Variants in RBFOX3 observed in about 807,000 individuals in gnomAD.
The protein encoded by RBFOX3 is RNA binding protein fox-1 homolog 3.
In RBFOX3, 17 loss-of-function variants were observed where a neutral mutation model predicts 48.7. The observed-to-expected ratio is 0.35, with a 90% CI of 0.24 to 0.52. The LOEUF is 0.52. Ranked by LOEUF, RBFOX3 falls within the 20% of genes least tolerant of loss-of-function variation. The probability of loss-of-function intolerance (pLI) is 0.94; values close to 1 mark genes in which losing one functional copy is unlikely to be tolerated. For synonymous variants in RBFOX3, 212 were observed against 209.5 expected (o/e 1.01, Z -0.10); for missense variants, 382 against 497.5 (o/e 0.77, Z 2.21).
At chr17:79,143,891 T>G (rs1432325153) in intron 4 of RBFOX3, among the ~76,000 whole-genome samples, 2 of 152,054 alleles carry the variant, frequency 1.3e-5, no homozygotes, top group Admixed American at 6.6e-5. Context: ...CAGTGGAGGG[T>G]GCTCTTCACG....
At chr17:79,410,828 G>A (rs2064210481) in intron 2 of RBFOX3, among the ~76,000 whole-genome samples, 1 of 152,036 alleles carries the variant, frequency 6.6e-6, no homozygotes, top group African/African-American at 2.4e-5. Context: ...AGGCTGCTCC[G>A]CTTGACTGCC....
the RBFOX3 span, among the ~76,000 whole-genome samples, chr17:79,622,907 G>A: frequency 2.0e-5 from 3 of 151,982 alleles, no homozygotes; most frequent in African/African-American, 7.3e-5. Flanking sequence ...CAGAGCCTCC[G>A]CTCCTCCCCT....
At chr17:79,439,329 G>A (rs969399751) in intron 2 of RBFOX3, among the ~76,000 whole-genome samples, 1 of 152,218 alleles carries the variant, frequency 6.6e-6, no homozygotes, top group Admixed American at 6.5e-5. Flanking sequence ...AAGATAGAGC[G>A]AAATCGCTCT....
At position 79,237,201 on chromosome 17, in the gene RBFOX3, A is replaced by G. The variant is rs56731259; in HGVS notation, c.-73-1396T>C. Among the ~76,000 whole-genome samples, 1,179 of 152,312 alleles carry G rather than the reference A, an allele frequency of 7.7e-3. 10 individuals carry two copies. The highest frequency in any genetic ancestry group is 0.027 in the African/African-American group (1,111 of 41,556). On this transcript the variant is annotated intron_variant, in intron 3 of 14. Coordinates refer to ENST00000693108, the MANE Select transcript of RBFOX3 (RefSeq NM_001350451.2). ...GTGCAAAAAATAAAAGCAAGTGAAA[A>G]GCTTCTGGAATTGAAAGACGGTCAG...
At chr17:79,458,110 T>C (rs2074826694) in intron 2 of RBFOX3, among the ~76,000 whole-genome samples, 1 of 152,134 alleles carries the variant, frequency 6.6e-6, no homozygotes, top group Admixed American at 6.5e-5. Context: ...GAGCAGGCAG[T>C]TGGGCAGGGA....
chr17:79,411,544 G>T (rs1598577271), intron 2 of RBFOX3, among the ~76,000 whole-genome samples: 1 of 152,074 alleles, frequency 6.6e-6, no homozygotes, highest in Non-Finnish European at 1.5e-5. Context: ...GGCTGCCCTG[G>T]CCCCAGGCTT....
At chr17:79,569,327 T>C (rs1194439315) in intron 1 of RBFOX3, among the ~76,000 whole-genome samples, 1 of 152,192 alleles carries the variant, frequency 6.6e-6, no homozygotes, top group Non-Finnish European at 1.5e-5. Context: ...AGTGGAATCA[T>C]GCAACGTGTG....
intron 2 of RBFOX3, among the ~76,000 whole-genome samples, chr17:79,352,345 G>T (rs1489347474): frequency 1.3e-5 from 2 of 152,190 alleles, no homozygotes; most frequent in Admixed American, 1.3e-4. Context: ...ACCATGTGAA[G>T]ATGTGCCTGC....
chr17:79,320,707 C>A (rs1342799724), intron 2 of RBFOX3, among the ~76,000 whole-genome samples: 2 of 151,998 alleles, frequency 1.3e-5, no homozygotes, highest in Non-Finnish European at 2.9e-5. Flanking sequence ...GAGCCCTCAA[C>A]TAAAACCAGG....
At position 79,142,305 on chromosome 17, in the gene RBFOX3, G is replaced by C. The variant is rs545858378; in HGVS notation, c.-33-26557C>G. 1.9e-4 allele frequency among the ~76,000 whole-genome samples: 29 copies of C among 152,340 alleles called. No homozygotes were observed. In the South Asian group the frequency reaches 6.0e-3, roughly 32 times the overall value. ...GGGGAGGTGGCTGCGGAGCCTCCAG[G>C]GGTGGGAGCAGCCCCGTTGGAGAGG... On this transcript the variant is annotated intron_variant, in intron 4 of 14. Coordinates refer to ENST00000693108, the MANE Select transcript of RBFOX3 (RefSeq NM_001350451.2).
the RBFOX3 span, among the ~76,000 whole-genome samples, chr17:79,628,119 C>T: frequency 5.9e-5 from 9 of 152,104 alleles, no homozygotes; most frequent in African/African-American, 2.2e-4. Context: ...TCAACTCCCC[C>T]TCCTCTGTTC....
chr17:79,112,920 T>TGGGG (rs1568152586), intron 5 of RBFOX3, among the ~76,000 whole-genome samples: 21 of 29,522 alleles, frequency 7.1e-4, no homozygotes, highest in South Asian at 1.3e-3. Context: ...GGGGGTGGGC[T>TGGGG]GGGTAGGACT....
chr17:79,138,690 G>GCA (rs878955971), intron 4 of RBFOX3, among the ~76,000 whole-genome samples: 9 of 27,056 alleles, frequency 3.3e-4, no homozygotes, highest in African/African-American at 4.4e-4. Flanking sequence ...CCATACACAT[G>GCA]GACACAGCAC....
chr17:79,133,444 G>C (rs1280913647), intron 4 of RBFOX3, among the ~76,000 whole-genome samples: 1 of 152,178 alleles, frequency 6.6e-6, no homozygotes, highest in Admixed American at 6.5e-5. Flanking sequence ...GGGACACCAT[G>C]GTGAAAAACA....
At chr17:79,306,920 C>T (rs897594) in intron 3 of RBFOX3, among the ~76,000 whole-genome samples, 49,106 of 152,170 alleles carry the variant, frequency 0.32, 8,018 homozygotes, top group East Asian at 0.38. Context: ...GGTCTGGGGC[C>T]CGACATCCAC....
chr17:79,553,039 A>G (rs1356669735), intron 1 of RBFOX3, among the ~76,000 whole-genome samples: 1 of 152,210 alleles, frequency 6.6e-6, no homozygotes, highest in East Asian at 1.9e-4. Flanking sequence ...TTCTGCTACA[A>G]TATGAAATAG....
chr17:79,254,136 C>T lies in RBFOX3; in HGVS notation c.-73-18331G>A, dbSNP rs1327729423. Among the ~76,000 whole-genome samples, 3 of 152,216 alleles carry T rather than the reference C, an allele frequency of 2.0e-5. No individual in the cohort carries two copies. Among genetic ancestry groups the T allele is most frequent in the Non-Finnish European group, 2.9e-5 (2 of 68,038 alleles). ...CAGGGAGGCAAGTTCACCACTGCAT[C>T]GCTAGCACCCAGGACACAGGAGCCT... On this transcript the variant is annotated intron_variant, in intron 3 of 14. Coordinates refer to ENST00000693108, the MANE Select transcript of RBFOX3 (RefSeq NM_001350451.2). The surrounding 1 kb of genome is among the most constrained non-coding windows in gnomAD (Gnocchi z 4.8).
intron 2 of RBFOX3, among the ~76,000 whole-genome samples, chr17:79,422,699 C>CTCTT (rs113903125): frequency 0.8 from 116,467 of 145,186 alleles, 45,158 homozygotes; most frequent in Non-Finnish European, 0.85. Context: ...TGCACCCTGG[C>CTCTT]TCTTCTCCAT....
chr17:79,336,731 G>C (rs1053517818), intron 2 of RBFOX3, among the ~76,000 whole-genome samples: 1 of 152,226 alleles, frequency 6.6e-6, no homozygotes, highest in Non-Finnish European at 1.5e-5. Context: ...GAACCAGGAG[G>C]TGCACATAGT....
Sources: allele counts gnomAD v4.1 joint callset (sites outside exome capture counted in the v4.1 genomes callset), GRCh38; gene constraint gnomAD v4.1.1; non-coding constraint Gnocchi (gnomAD v3.1); transcripts MANE v1.5; gene names NCBI Gene and HGNC (gene_info 2026-07-23, HGNC 2026-07-21).